Variants in MX1 observed in about 807,000 individuals in gnomAD.
MX1 encodes the protein MX dynamin like GTPase 1.
MX1 carries 66 observed loss-of-function variants against 66.4 expected under a neutral mutation model. The ratio of observed to expected loss-of-function variants is 0.99; its 90% CI spans 0.82 to 1.22. The LOEUF (loss-of-function observed/expected upper bound fraction) is 1.22, where lower values mean the gene tolerates loss of function less well. MX1 is among the 50% of genes most tolerant of loss of function. MX1 has a pLI of 0.00. For synonymous variants in MX1, 311 were observed against 318.1 expected (o/e 0.98, Z 0.24); for missense variants, 787 against 834.3 (o/e 0.94, Z 0.70).
intron 7 of MX1, among the ~76,000 whole-genome samples, chr21:41,438,809 C>A (rs377232551): frequency 8.5e-5 from 13 of 152,258 alleles, no homozygotes; most frequent in Admixed American, 3.3e-4. Flanking sequence ...GGCGGGCAGA[C>A]CAGAGCTGAT....
At position 41,458,961 on chromosome 21, in the gene MX1, ATGAGC is replaced by A; in HGVS notation, c.*206_*210del. On this transcript the variant is annotated 3_prime_UTR_variant, in exon 17 of 17. Coordinates refer to ENST00000398598, the MANE Select transcript of MX1 (RefSeq NM_002462.5). ...GACAGAGCCCCACCCTCAGATGCAC[ATGAGC>A]TGGCGGGATTGAAGGATGCTGTCTT... 1.1e-6 allele frequency: 1 copy of A among 897,312 alleles called. No homozygotes were observed. The highest frequency in any genetic ancestry group is 1.9e-5 in the South Asian group (1 of 52,608). The allele number at this position is 897,312 out of a possible 1,614,324, so 55.6% of individuals were successfully genotyped here.
Position 41,446,034 on chromosome 21 carries a change from T to A in MX1, c.1166T>A (p.Leu389His). ...GCCTTTAATCAGGACATCACTGCTC[T>A]CATGCAAGGAGAGGAAACTGTAGGG... The part of the protein sequence containing the change: ...VNAFNQDITA[L>H]MQGEETVGEE... The change falls in exon 13 of 17, where the codon CTC becomes CAC. Residue 389 changes from leucine (L) to histidine (H), a missense_variant. Transcript: ENST00000398598. The A allele has an allele frequency of 6.2e-7, 1 of 1,614,134 alleles. No individual in the cohort carries two copies.
chr21:41,441,983 G>A lies in MX1; in HGVS notation c.929+69G>A. 1 of 1,529,044 alleles carries A rather than the reference G, an allele frequency of 6.5e-7. No individual in the cohort carries two copies. The highest frequency in any genetic ancestry group is 9.1e-7 in the Non-Finnish European group (1 of 1,104,582). 94.7% of individuals were successfully genotyped at this position (1,529,044 alleles called of 1,614,324 possible). ...ATGTCAGGCCTTCCAGGGGACAGTG[G>A]CAGCCGTCCCACAGATGTGTGGAGT... On this transcript the variant is annotated intron_variant, in intron 10 of 16. Coordinates refer to ENST00000398598, the MANE Select transcript of MX1 (RefSeq NM_002462.5). The surrounding 1 kb of genome is among the most constrained non-coding windows in gnomAD (Gnocchi z 4.0).
intron 16 of MX1, among the ~76,000 whole-genome samples, chr21:41,454,345 G>T (rs2090909138): frequency 6.6e-6 from 1 of 152,084 alleles, no homozygotes; most frequent in African/African-American, 2.4e-5. Context: ...TGCCTCACAT[G>T]ACTTTATAAT....
chr21:41,452,765 GAAGAA>G lies in MX1; in HGVS notation c.1660_1664del (p.Lys554GlufsTer116). The G allele has an allele frequency of 1.9e-6, 3 of 1,614,184 alleles. No homozygotes were observed. Among genetic ancestry groups the G allele is most frequent in the South Asian group, 2.2e-5 (2 of 91,082 alleles). On this transcript the variant is annotated frameshift_variant, in exon 16 of 17. Coordinates refer to ENST00000398598, the MANE Select transcript of MX1 (RefSeq NM_002462.5). LOFTEE classifies it high-confidence loss of function. ...GAAGGTCAGAGAGAAGGAGCTGGAA[GAAGAA>G]AAGAAGAAGAAATCCTGGGATTTTG...
chr21:41,439,403 A>G (rs2098541135), intron 7 of MX1, among the ~76,000 whole-genome samples: 1 of 152,226 alleles, frequency 6.6e-6, no homozygotes, highest in Admixed American at 6.5e-5. Context: ...TAGGAATGCT[A>G]CCAGGAAGAA....
intron 5 of MX1, 114 bp downstream of exon 5, chr21:41,432,289 C>T (rs2090240016): frequency 2.2e-6 from 2 of 922,260 alleles, no homozygotes; most frequent in Admixed American, 1.9e-5. Context: ...TCTCGCCTCT[C>T]CTGTGCCAGG....
At chr21:41,447,949 C>T (rs2090711313) in intron 13 of MX1, among the ~76,000 whole-genome samples, 1 of 152,114 alleles carries the variant, frequency 6.6e-6, no homozygotes, top group South Asian at 2.1e-4. Context: ...AGGCTGGTCT[C>T]GACCTCCTGA....
chr21:41,432,210 C>T, intron 5 of MX1, 35 bp downstream of exon 5: 1 of 1,591,516 alleles, frequency 6.3e-7, no homozygotes, highest in Non-Finnish European at 8.6e-7. Context: ...ATCCATGTGA[C>T]ATGAGCCATG....
upstream of MX1, among the ~76,000 whole-genome samples, chr21:41,424,846 C>G (rs2090031738): frequency 6.6e-6 from 1 of 152,230 alleles, no homozygotes; most frequent in Non-Finnish European, 1.5e-5. Flanking sequence ...ACAAAGAAAG[C>G]AGCTAGCTTA....
At chr21:41,421,354 T>A (rs987009315), upstream of MX1, 3 of 152,224 alleles carry the variant, frequency 2.0e-5, no homozygotes, top group Non-Finnish European at 4.4e-5. Flanking sequence ...GATGCCTTCC[T>A]CTTGTCTCAA....
At chr21:41,453,090 C>T (rs2090875099) in intron 16 of MX1, among the ~76,000 whole-genome samples, 1 of 152,202 alleles carries the variant, frequency 6.6e-6, no homozygotes, top group African/African-American at 2.4e-5. Flanking sequence ...TACAGTTCCA[C>T]ATGGCTGGGG....
Position 41,435,911 on chromosome 21 carries a change from G to A in MX1, c.180G>A (p.Arg60=). Residue 60 remains arginine (R), a synonymous_variant, in exon 6 of 17, where the codon CGG becomes CGA. Transcript: ENST00000398598. ...RPCIDLIDSL[R]ALGVEQDLAL... ...GCATCGACCTCATTGACTCCCTGCG[G>A]GCTCTAGGTGTGGAGCAGGACCTGG... The A allele has an allele frequency of 6.2e-7, 1 of 1,614,216 alleles. No homozygotes were observed. Among genetic ancestry groups the A allele is most frequent in the Non-Finnish European group, 8.5e-7 (1 of 1,180,044 alleles).
intron 8 of MX1, 74 bp from the exon 9 acceptor site, chr21:41,440,813 C>T: frequency 3.2e-6 from 5 of 1,570,716 alleles, no homozygotes; most frequent in Non-Finnish European, 4.4e-6. Context: ...AAAGCAAGTG[C>T]AAGGTCAGGA....
intron 16 of MX1, 63 bp downstream of exon 16, chr21:41,452,932 CTCTT>C: frequency 6.3e-7 from 1 of 1,579,084 alleles, no homozygotes; most frequent in South Asian, 1.2e-5. Context: ...GAACGCCTCT[CTCTT>C]TAGTCTTGCT....
upstream of MX1, chr21:41,421,873 T>TG (rs34814968): frequency 0.45 from 68,030 of 151,908 alleles, 15,310 homozygotes; most frequent in East Asian, 0.58. Context: ...GCAGGACAGG[T>TG]TGCAAAAGAA....
chr21:41,432,834 C>T (rs1297174260), intron 5 of MX1, among the ~76,000 whole-genome samples: 2 of 152,188 alleles, frequency 1.3e-5, no homozygotes, highest in African/African-American at 4.8e-5. Context: ...TTCAGGCTGG[C>T]TCTGTTTTCC....
chr21:41,452,572 A>G (rs552963549), intron 15 of MX1, 49 bp from the exon 16 acceptor site: 2 of 1,557,634 alleles, frequency 1.3e-6, no homozygotes, highest in South Asian at 1.2e-5. Context: ...CCTGTGACTC[A>G]GGAATTTGTG....
At chr21:41,433,951 C>G (rs1027115048) in intron 5 of MX1, among the ~76,000 whole-genome samples, 1 of 152,182 alleles carries the variant, frequency 6.6e-6, no homozygotes, top group Non-Finnish European at 1.5e-5. Flanking sequence ...CCATTTTGCT[C>G]CCTGGAACTT....
Sources: gnomAD v4.1 joint callset for allele counts (sites outside exome capture counted in the v4.1 genomes callset) on GRCh38, gnomAD v4.1.1 for gene constraint, Gnocchi (gnomAD v3.1) non-coding constraint, MANE v1.5 for transcripts, NCBI Gene and HGNC (gene_info 2026-07-23, HGNC 2026-07-21) for gene names.